POGZ: variants seen among roughly 807,000 people sequenced by gnomAD.
POGZ encodes the protein pogo transposable element derived with ZNF domain, also known as pogo transposable element with ZNF domain.
In POGZ, 17 loss-of-function variants were observed where a neutral mutation model predicts 134.6. The observed-to-expected ratio is 0.13, with a 90% CI of 0.09 to 0.19. POGZ has a LOEUF of 0.19. Among genes scored for constraint, POGZ ranks in the 10% least tolerant of loss-of-function variants. The pLI is 1.00. For missense variants in POGZ, 1,306 were observed against 1,769.7 expected, an observed-to-expected ratio of 0.74 and a Z score of 4.70; for synonymous variants, 693 against 657.1, an observed-to-expected ratio of 1.05 and a Z score of -0.84.
intron 13 of POGZ, 21 bp from the exon 14 acceptor site, chr1:151,408,602 C>T (rs773550102): frequency 6.2e-7 from 1 of 1,609,548 alleles, no homozygotes; most frequent in Non-Finnish European, 8.5e-7. Flanking sequence ...AGGGAAGTAA[C>T]AATGAGACAT....
intron 1 of POGZ, among the ~76,000 whole-genome samples, chr1:151,442,961 C>T (rs1660766943): frequency 6.6e-6 from 1 of 152,002 alleles, no homozygotes; most frequent in Non-Finnish European, 1.5e-5. Flanking sequence ...CCCCGGGCAG[C>T]AGAGGTTGCA....
In POGZ at chr1:151,408,250, A is replaced by C; in HGVS notation, c.2235-10T>G. The stretch of plus-strand genomic sequence containing the variant: ...CCGGCCCATGACACTCCTGTGGGGG[A>C]AAAAAAAAAAGAATTCTCATTACTG... On this transcript the variant is annotated splice_polypyrimidine_tract_variant and intron_variant, in intron 14 of 18. Transcript: ENST00000271715. 1 of 855,166 alleles carries C rather than the reference A, an allele frequency of 1.2e-6. No homozygotes were observed. The highest frequency in any genetic ancestry group is 1.6e-6 in the Non-Finnish European group (1 of 627,500). 53.0% of individuals were successfully genotyped at this position (855,166 alleles called of 1,614,324 possible). A position where few individuals can be genotyped will look rare whatever the true frequency, so the allele number is the denominator to read the frequency against.
intron 1 of POGZ, among the ~76,000 whole-genome samples, chr1:151,456,651 G>A (rs886171207): frequency 2.6e-5 from 4 of 152,148 alleles, no homozygotes; most frequent in African/African-American, 7.2e-5. Context: ...GTAGTCAAAA[G>A]CTAAGACTTA....
chr1:151,437,507 G>A (rs539386701), intron 3 of POGZ, among the ~76,000 whole-genome samples: 8 of 151,930 alleles, frequency 5.3e-5, no homozygotes, highest in South Asian at 2.1e-4. Flanking sequence ...ATCCCAGAAC[G>A]TTGAGAAGCC....
At chr1:151,440,365 CATCTT>C (rs1389666506) in intron 3 of POGZ, among the ~76,000 whole-genome samples, 1 of 151,912 alleles carries the variant, frequency 6.6e-6, no homozygotes, top group Non-Finnish European at 1.5e-5. Flanking sequence ...GTCAACAACT[CATCTT>C]AGGAGTGTAG....
chr1:151,437,072 C>A (rs1300945013), intron 3 of POGZ, among the ~76,000 whole-genome samples: 1 of 152,026 alleles, frequency 6.6e-6, no homozygotes, highest in Non-Finnish European at 1.5e-5. Context: ...CAGGCACCTG[C>A]AGTCCCAGCT....
At chr1:151,411,591 CAA>C (rs978865561) in intron 12 of POGZ, 32 bp downstream of exon 12, 3 of 1,286,136 alleles carry the variant, frequency 2.3e-6, no homozygotes, top group Admixed American at 2.3e-5. Flanking sequence ...AAAAAAAAAA[CAA>C]GAGAATATGG....
chr1:151,412,411 G>A lies in POGZ; in HGVS notation c.1679-15C>T. ...CTTGCACTTGGCTGTAAGAAGAAAA[G>A]TAATCAATAAATCCACTTGAAAATA... On this transcript the variant is annotated splice_polypyrimidine_tract_variant and intron_variant, in intron 10 of 18. Transcript: ENST00000271715. The A allele has an allele frequency of 1.4e-6, 2 of 1,420,880 alleles. No individual in the cohort carries two copies. Among genetic ancestry groups the A allele is most frequent in the Non-Finnish European group, 2.0e-6 (2 of 1,008,140 alleles). The allele number at this position is 1,420,880 out of a possible 1,614,324, so 88.0% of individuals were successfully genotyped here. A position where few individuals can be genotyped will look rare whatever the true frequency, so the allele number is the denominator to read the frequency against.
In POGZ at chr1:151,425,365, C is replaced by T. The variant is rs11804318; in HGVS notation, c.1079-304G>A. ...CTCTAGGCCAGGGGTCAGCAAACCA[C>T]AGCACACAGATCAAATCCAGCCCAG... On this transcript the variant is annotated intron_variant, in intron 7 of 18. Transcript: ENST00000271715. 0.01 allele frequency: 2,209 copies of T among 214,966 alleles called. 19 individuals are homozygous for T. The highest frequency in any genetic ancestry group is 0.015 in the Non-Finnish European group (1,581 of 104,914). The allele number at this position is 214,966 out of a possible 1,614,324, so 13.3% of individuals were successfully genotyped here.
At chr1:151,416,631 T>TTG (rs2102225013) in intron 10 of POGZ, among the ~76,000 whole-genome samples, 1 of 151,148 alleles carries the variant, frequency 6.6e-6, no homozygotes, top group Non-Finnish European at 1.5e-5. Flanking sequence ...TTGGGTTTTT[T>TTG]TTTTTTTTTT....
intron 1 of POGZ, among the ~76,000 whole-genome samples, chr1:151,451,953 C>T (rs1318765763): frequency 4.6e-5 from 7 of 151,294 alleles, no homozygotes; most frequent in African/African-American, 1.7e-4. Context: ...AAAAATTAGC[C>T]GGGCGTGGTG....
chr1:151,414,349 A>G (rs1351345768), intron 10 of POGZ, among the ~76,000 whole-genome samples: 1 of 152,136 alleles, frequency 6.6e-6, no homozygotes, highest in Non-Finnish European at 1.5e-5. Context: ...GGCCTTTCTT[A>G]GTCTATGTTT....
Position 151,405,990 on chromosome 1 carries a change from C to A in POGZ, c.3045G>T (p.Gly1015=). 1 of 1,614,236 alleles carries A rather than the reference C, an allele frequency of 6.2e-7. No individual in the cohort carries two copies. The highest frequency in any genetic ancestry group is 8.5e-7 in the Non-Finnish European group (1 of 1,180,038). ...RWLRRFQASQ[G]ENLEGKYLSF... Reference sequence around the variant, plus strand: ...TCAGATATTTGCCCTCTAGATTCTCCCCCTGGGAGGCCTGGAAACGTCGAA... The same window carrying A: ...TCAGATATTTGCCCTCTAGATTCTCACCCTGGGAGGCCTGGAAACGTCGAA... Residue 1015 remains glycine (G), a synonymous_variant, in exon 19 of 19, where the codon GGG becomes GGT. Coordinates refer to ENST00000271715, the MANE Select transcript of POGZ (RefSeq NM_015100.4). This position sits in a 1 kb window ranked among gnomAD's most constrained non-coding sequence, Gnocchi z 4.9.
intron 3 of POGZ, among the ~76,000 whole-genome samples, chr1:151,435,660 T>C (rs1354689716): frequency 6.6e-6 from 1 of 151,884 alleles, no homozygotes; most frequent in African/African-American, 2.4e-5. Context: ...ACTCGCCTAA[T>C]TTTTTTGTAT....
At chr1:151,457,620 G>A (rs1261453981) in intron 1 of POGZ, among the ~76,000 whole-genome samples, 2 of 152,126 alleles carry the variant, frequency 1.3e-5, no homozygotes, top group Non-Finnish European at 2.9e-5. Flanking sequence ...CTCTAGTTGG[G>A]TAAATGCCTA....
chr1:151,439,252 T>A (rs1263912928), intron 3 of POGZ, among the ~76,000 whole-genome samples: 1 of 152,204 alleles, frequency 6.6e-6, no homozygotes, highest in African/African-American at 2.4e-5. Flanking sequence ...TTTCCACATC[T>A]GTAAAATAAT....
At chr1:151,435,265 T>C (rs1343299407) in intron 3 of POGZ, among the ~76,000 whole-genome samples, 2 of 152,162 alleles carry the variant, frequency 1.3e-5, no homozygotes, top group Non-Finnish European at 2.9e-5. Context: ...CTAAATACAA[T>C]AGGAACTGAA....
chr1:151,425,225 G>A (rs1300578153), intron 7 of POGZ, 164 bp from the exon 8 acceptor site: 7 of 488,912 alleles, frequency 1.4e-5, no homozygotes, highest in Non-Finnish European at 2.7e-5. Context: ...TTTGAGACAC[G>A]GTCTCTCAGT....
intron 1 of POGZ, among the ~76,000 whole-genome samples, chr1:151,448,611 C>T (rs1210578464): frequency 1.3e-5 from 2 of 152,230 alleles, no homozygotes; most frequent in East Asian, 3.9e-4. Flanking sequence ...CTTCAGGAGG[C>T]TGAGGTGGGA....
Sources: gnomAD v4.1 joint callset for allele counts (sites outside exome capture counted in the v4.1 genomes callset) on GRCh38, gnomAD v4.1.1 for gene constraint, Gnocchi (gnomAD v3.1) non-coding constraint, MANE v1.5 for transcripts, NCBI Gene and HGNC (gene_info 2026-07-23, HGNC 2026-07-21) for gene names.